OSBPL9: variants seen among roughly 807,000 people sequenced by gnomAD.
OSBPL9 encodes the protein oxysterol-binding protein-related protein 9.
A neutral mutation model predicts 106.6 loss-of-function variants in OSBPL9; 40 were observed. The ratio of observed to expected loss-of-function variants is 0.38; its 90% CI spans 0.29 to 0.49. The LOEUF is 0.49. OSBPL9 is among the 20% of genes least tolerant of loss of function. The probability of loss-of-function intolerance (pLI) is 0.97; values close to 1 mark genes in which losing one functional copy is unlikely to be tolerated. For missense variants in OSBPL9, 609 were observed against 887.2 expected (o/e 0.69, Z 3.98); for synonymous variants, 269 against 295.4 (o/e 0.91, Z 0.92).
the OSBPL9 span, among the ~76,000 whole-genome samples, chr1:51,540,992 A>G: frequency 8.1e-5 from 12 of 147,824 alleles, no homozygotes; most frequent in African/African-American, 3.0e-4. Context: ...TTACTCAGGC[A>G]TGGTGGCGCG....
intron 1 of OSBPL9, among the ~76,000 whole-genome samples, chr1:51,624,541 C>T (rs577316716): frequency 4.6e-5 from 7 of 151,894 alleles, no homozygotes; most frequent in South Asian, 4.2e-4. Flanking sequence ...GCTGAGATCA[C>T]GCCACTGCAC....
chr1:51,557,229 C>T, the OSBPL9 span, among the ~76,000 whole-genome samples: 11 of 152,258 alleles, frequency 7.2e-5, no homozygotes, highest in African/African-American at 2.6e-4. Context: ...ACCTTGCCTC[C>T]AAGAGAAAGA....
intron 4 of OSBPL9, among the ~76,000 whole-genome samples, chr1:51,737,528 A>G (rs1322726488): frequency 2.1e-5 from 3 of 144,284 alleles, no homozygotes; most frequent in Non-Finnish European, 4.5e-5. Context: ...CTTTTGTTTC[A>G]TGTGTTATAT....
intron 3 of OSBPL9, among the ~76,000 whole-genome samples, chr1:51,703,188 G>A (rs1657680098): frequency 6.6e-6 from 1 of 152,156 alleles, no homozygotes. Context: ...GAAAGTCATT[G>A]GTAGCTTGAT....
Position 51,639,505 on chromosome 1 carries a change from G to A in OSBPL9, c.112-12486G>A, listed in dbSNP as rs72896086. ...TTCTTTGCAAAGTACAGTGTAGCAA[G>A]GGTAGCATATTGAGTTGGGGTGGTG... On this transcript the variant is annotated intron_variant, in intron 1 of 23. Transcript: ENST00000428468. 7.2e-3 allele frequency among the ~76,000 whole-genome samples: 1,093 copies of A among 152,306 alleles called. 9 individuals are homozygous for A. Among genetic ancestry groups the A allele is most frequent in the African/African-American group, 0.025 (1,051 of 41,540 alleles).
upstream of OSBPL9, among the ~76,000 whole-genome samples, chr1:51,572,255 A>G (rs1430435103): frequency 6.7e-6 from 1 of 150,248 alleles, no homozygotes; most frequent in Non-Finnish European, 1.5e-5. Flanking sequence ...CTTAGCGGAC[A>G]AAAGCTTTCT....
At position 51,723,550 on chromosome 1, in the gene OSBPL9, C is replaced by T. The variant is rs139599926; in HGVS notation, c.318+9471C>T. On this transcript the variant is annotated intron_variant, in intron 4 of 23. Coordinates refer to ENST00000428468, the MANE Select transcript of OSBPL9 (RefSeq NM_024586.6). ...TCTTCTTTCCTGTTTCCTCTTTCTT[C>T]TTCCTTTTTTAAGAGACAAGGTGTC... Among the ~76,000 whole-genome samples the T allele has an allele frequency of 2.6e-3, 395 of 151,886 alleles. 1 individual carries two copies. Among genetic ancestry groups the T allele is most frequent in the African/African-American group, 9.0e-3 (374 of 41,418 alleles).
chr1:51,722,131 G>T (rs1662244895), intron 4 of OSBPL9, among the ~76,000 whole-genome samples: 1 of 151,676 alleles, frequency 6.6e-6, no homozygotes, highest in Non-Finnish European at 1.5e-5. Flanking sequence ...GAGTAGCTTG[G>T]TCAACATAAT....
At chr1:51,772,939 G>A (rs953771929) in intron 14 of OSBPL9, among the ~76,000 whole-genome samples, 2 of 152,216 alleles carry the variant, frequency 1.3e-5, no homozygotes, top group African/African-American at 4.8e-5. Flanking sequence ...TGTATGAGTT[G>A]TATGGATTAA....
chr1:51,719,557 A>G (rs1661685427), intron 4 of OSBPL9, among the ~76,000 whole-genome samples: 1 of 152,088 alleles, frequency 6.6e-6, no homozygotes, highest in Admixed American at 6.5e-5. Flanking sequence ...TGTAGGTTTT[A>G]TAGTTTCCTA....
At chr1:51,554,104 C>T in the OSBPL9 span, among the ~76,000 whole-genome samples, 1 of 152,212 alleles carries the variant, frequency 6.6e-6, no homozygotes, top group African/African-American at 2.4e-5. Context: ...AGCAGTGAGT[C>T]ACAATCACAC....
At position 51,691,880 on chromosome 1, in the gene OSBPL9, A is replaced by T. The variant is rs149937389; in HGVS notation, c.242-22123A>T. ...CATCTTGTCCCGCTGGAAGGTTTTCAGGGGCAATAACAGGCATAGAGCTAT... is the reference window on the plus strand; with the variant it reads ...CATCTTGTCCCGCTGGAAGGTTTTCTGGGGCAATAACAGGCATAGAGCTAT... On this transcript the variant is annotated intron_variant, in intron 3 of 23. Coordinates refer to ENST00000428468, the MANE Select transcript of OSBPL9 (RefSeq NM_024586.6). Among the ~76,000 whole-genome samples, 871 of 152,226 alleles carry T rather than the reference A, an allele frequency of 5.7e-3. 2 individuals are homozygous for T. The highest frequency in any genetic ancestry group is 0.02 in the African/African-American group (826 of 41,534).
chr1:51,543,418 C>T, the OSBPL9 span, among the ~76,000 whole-genome samples: 4 of 151,996 alleles, frequency 2.6e-5, no homozygotes, highest in Admixed American at 2.0e-4. Flanking sequence ...TTTTTTGAGA[C>T]GGAGTCTCAC....
intron 3 of OSBPL9, among the ~76,000 whole-genome samples, chr1:51,704,735 G>A (rs1464078731): frequency 6.6e-6 from 1 of 151,998 alleles, no homozygotes; most frequent in African/African-American, 2.4e-5. Flanking sequence ...CATTAAAGAG[G>A]GTTCTACCTT....
chr1:51,740,535 GTTA>G (rs777325703), intron 4 of OSBPL9, among the ~76,000 whole-genome samples: 40 of 151,492 alleles, frequency 2.6e-4, no homozygotes, highest in Non-Finnish European at 5.6e-4. Flanking sequence ...TGTTTTTCTT[GTTA>G]TTCTGATTTT....
At chr1:51,554,626 TTC>T in the OSBPL9 span, among the ~76,000 whole-genome samples, 4 of 152,178 alleles carry the variant, frequency 2.6e-5, no homozygotes, top group Non-Finnish European at 4.4e-5. Flanking sequence ...TGAACATGAG[TTC>T]TTTCTCCCAC....
At chr1:51,691,941 C>T (rs1397920221) in intron 3 of OSBPL9, among the ~76,000 whole-genome samples, 1 of 152,090 alleles carries the variant, frequency 6.6e-6, no homozygotes, top group Non-Finnish European at 1.5e-5. Context: ...TTCTGGAATA[C>T]CTCCTGAAGG....
At chr1:51,602,038 T>TTTTTTTTTTTTTTAA in intron 2 of OSBPL9, among the ~76,000 whole-genome samples, 1 of 144,724 alleles carries the variant, frequency 6.9e-6, no homozygotes, top group Non-Finnish European at 1.5e-5. Context: ...TTTTTTTTTT[T>TTTTTTTTTTTTTTAA]GAGACGGAGT....
intron 2 of OSBPL9, 135 bp downstream of exon 2, chr1:51,652,176 A>ATCAC: frequency 1.6e-6 from 1 of 626,884 alleles, no homozygotes; most frequent in Non-Finnish European, 2.7e-6. Context: ...TCAGAGAGAA[A>ATCAC]ATGTGATTTC....
Sources: allele counts gnomAD v4.1 joint callset (sites outside exome capture counted in the v4.1 genomes callset), GRCh38; gene constraint gnomAD v4.1.1; transcripts MANE v1.5; gene names NCBI Gene and HGNC (gene_info 2026-07-23, HGNC 2026-07-21).